MAP4K1: variants seen among roughly 807,000 people sequenced by gnomAD.
MAP4K1 encodes the protein MAPK/ERK kinase kinase kinase 1.
A neutral mutation model predicts 122.8 loss-of-function variants in MAP4K1; 35 were observed. The observed-to-expected ratio is 0.29, with a 90% CI of 0.22 to 0.38. MAP4K1 has a LOEUF of 0.38. MAP4K1 is among the 10% of genes least tolerant of loss of function. The pLI is 1.00. For synonymous variants in MAP4K1, 412 were observed against 421.3 expected, an observed-to-expected ratio of 0.98 and a Z score of 0.27; for missense variants, 791 against 1,072.6, an observed-to-expected ratio of 0.74 and a Z score of 3.67.
At position 38,607,886 on chromosome 19, in the gene MAP4K1, C is replaced by T. The variant is rs1159211537; in HGVS notation, c.1135G>A (p.Asp379Asn). 4.3e-6 allele frequency: 7 copies of T among 1,611,978 alleles called. No individual in the cohort carries two copies. The highest frequency in any genetic ancestry group is 1.1e-5 in the South Asian group (1 of 90,652). Residue 379 changes from aspartate (D) to asparagine (N), a missense_variant, in exon 16 of 31, where the codon GAT (aspartate) becomes AAT (asparagine). Transcript: ENST00000396857. The part of the protein sequence containing the change: ...PRKQLSESSD[D>N]DYDDVDIPTP... ...TACATGTCCACGTCGTCATAGTCATCGTCAGACGACTCTGACAGTTGCTTC... is the reference window on the plus strand; with the variant it reads ...TACATGTCCACGTCGTCATAGTCATTGTCAGACGACTCTGACAGTTGCTTC...
intron 30 of MAP4K1, 113 bp from the exon 31 acceptor site, chr19:38,587,930 T>A (rs533566568): frequency 1.0e-5 from 8 of 801,448 alleles, no homozygotes; most frequent in Non-Finnish European, 1.3e-5. Flanking sequence ...ACTATAGCAG[T>A]GAATGGGCAG....
intron 17 of MAP4K1, 115 bp downstream of exon 17, chr19:38,606,057 TG>T: frequency 1.2e-6 from 1 of 801,308 alleles, no homozygotes; most frequent in Non-Finnish European, 2.0e-6. Flanking sequence ...GCCATCATCC[TG>T]GTCTCCCCAA....
At position 38,593,301 on chromosome 19, in the gene MAP4K1, G is replaced by A. The variant is rs1257580701; in HGVS notation, c.2377C>T (p.Arg793Cys). 14 of 1,612,296 alleles carry A rather than the reference G, an allele frequency of 8.7e-6. No individual in the cohort carries two copies. The highest frequency in any genetic ancestry group is 1.3e-5 in the African/African-American group (1 of 74,948). Reference protein sequence around the residue: ...QELRDPTLTFRLLGSPRPVVV... With the variant: ...QELRDPTLTFCLLGSPRPVVV... ...ACATACCTGGGGGAGCCAAGCAGAC[G>A]GAAAGTGAGGGTAGGGTCTCTCAGC... Residue 793 changes from arginine to cysteine, a missense_variant, in exon 30 of 31, where the codon CGT (arginine) becomes TGT (cysteine). Around this residue, in one of 4 missense-constraint regions of MAP4K1, gnomAD observed 267 missense variants for 323.0 expected, o/e 0.83. Coordinates refer to ENST00000396857, the MANE Select transcript of MAP4K1 (RefSeq NM_001042600.3).
Position 38,600,094 on chromosome 19 carries a change from C to T in MAP4K1, c.1591G>A (p.Glu531Lys). The T allele has an allele frequency of 6.2e-7, 1 of 1,614,172 alleles. No individual in the cohort carries two copies. Among genetic ancestry groups the T allele is most frequent in the Non-Finnish European group, 8.5e-7 (1 of 1,180,038 alleles). ...TTCCTCACCATTTCCAGCGTGGCCT[C>T]CTGGTCATTCCGGTTCAGGATGAAG... ...GIFILNRNDQ[E>K]ATLEMLFPSR... is the part of the protein sequence containing the mutation. Residue 531 changes from glutamate to lysine, a missense_variant, in exon 21 of 31, where the codon GAG (glutamate) becomes AAG (lysine). Transcript: ENST00000396857.
rs2144704058 is a variant in MAP4K1 at position 38,597,227 on chromosome 19, T to C, written c.1838-90A>G. The C allele has an allele frequency of 6.3e-7, 1 of 1,598,260 alleles. No individual in the cohort carries two copies. Among genetic ancestry groups the C allele is most frequent in the Non-Finnish European group, 8.6e-7 (1 of 1,166,328 alleles). On this transcript the variant is annotated intron_variant, in intron 24 of 30. Transcript: ENST00000396857. The surrounding 1 kb of genome is among the most constrained non-coding windows in gnomAD (Gnocchi z 4.6). ...ACCCATCTTCTGGGTTCTGGACACATTGCCTTAACTCTGTAACCTTCTCAG... is the reference window on the plus strand; with the variant it reads ...ACCCATCTTCTGGGTTCTGGACACACTGCCTTAACTCTGTAACCTTCTCAG...
intron 29 of MAP4K1, among the ~76,000 whole-genome samples, chr19:38,595,077 G>A (rs1974831823): frequency 6.6e-6 from 1 of 151,968 alleles, no homozygotes; most frequent in South Asian, 2.1e-4. Context: ...CCCAGGTCAA[G>A]AGTTCAAGAC....
chr19:38,593,830 A>G (rs1974795890), intron 29 of MAP4K1, among the ~76,000 whole-genome samples: 1 of 152,110 alleles, frequency 6.6e-6, no homozygotes, highest in Non-Finnish European at 1.5e-5. Context: ...GCAATGAGCC[A>G]AGATTGTGCC....
intron 8 of MAP4K1, 47 bp downstream of exon 8, chr19:38,613,833 C>T: frequency 6.7e-7 from 1 of 1,494,618 alleles, no homozygotes. Context: ...GTAGGAAAAA[C>T]CACTGACCCC....
intron 20 of MAP4K1, among the ~76,000 whole-genome samples, chr19:38,600,504 A>G (rs1975028201): frequency 6.6e-6 from 1 of 151,884 alleles, no homozygotes; most frequent in Non-Finnish European, 1.5e-5. Flanking sequence ...CAATCCTAAC[A>G]TTGACCTTCA....
At chr19:38,606,735 G>A (rs975421897) in intron 16 of MAP4K1, among the ~76,000 whole-genome samples, 4 of 152,168 alleles carry the variant, frequency 2.6e-5, no homozygotes, top group African/African-American at 9.7e-5. Context: ...ACTAATAACA[G>A]TAACAGCAAC....
At chr19:38,591,869 G>A (rs185435716) in intron 30 of MAP4K1, among the ~76,000 whole-genome samples, 81 of 152,074 alleles carry the variant, frequency 5.3e-4, no homozygotes, top group Admixed American at 5.1e-3. Context: ...TACTCGGGAG[G>A]CTGAGGCAGG....
At chr19:38,616,149 G>C (rs781149704) in intron 4 of MAP4K1, 46 bp downstream of exon 4, 1 of 1,487,290 alleles carries the variant, frequency 6.7e-7, no homozygotes, top group East Asian at 2.3e-5. Flanking sequence ...GGGTTGGGGG[G>C]TGGGGATAGG....
At position 38,587,750 on chromosome 19, in the gene MAP4K1, A is replaced by AT; in HGVS notation, c.2463dup (p.Ter822MetfsTer4). 6.2e-7 allele frequency: 1 copy of AT among 1,613,764 alleles called. No homozygotes were observed. The highest frequency in any genetic ancestry group is 1.3e-5 in the African/African-American group (1 of 75,048). ...GTTCCTGACACCCCCCTAGGGACTC[A>AT]TTCCTGGATGTAGAGGTTGCTGGGA... On this transcript the variant is annotated frameshift_variant, in exon 31 of 31. Coordinates refer to ENST00000396857, the MANE Select transcript of MAP4K1 (RefSeq NM_001042600.3). LOFTEE classifies it high-confidence loss of function.
chr19:38,614,674 A>C (rs1975596209), intron 4 of MAP4K1: 2 of 568,684 alleles, frequency 3.5e-6, no homozygotes, highest in African/African-American at 3.8e-5. Flanking sequence ...TAATCCCAGC[A>C]CTTTGGGAGG....
At chr19:38,590,120 C>T (rs1974659293) in intron 30 of MAP4K1, among the ~76,000 whole-genome samples, 1 of 151,666 alleles carries the variant, frequency 6.6e-6, no homozygotes, top group Admixed American at 6.6e-5. Context: ...GTTAATATCA[C>T]CAGTAATGGG....
chr19:38,596,509 CG>C, intron 25 of MAP4K1, 23 bp from the exon 26 acceptor site: 10 of 1,513,700 alleles, frequency 6.6e-6, no homozygotes, highest in Non-Finnish European at 8.0e-6. Context: ...CAGGGAGGGG[CG>C]GGCTAGGGGG....
chr19:38,607,023 C>T (rs541055391), intron 16 of MAP4K1, among the ~76,000 whole-genome samples: 11 of 151,888 alleles, frequency 7.2e-5, no homozygotes, highest in African/African-American at 1.9e-4. Flanking sequence ...AGCCTGAGGG[C>T]GGGCAAAAAG....
rs1270787202 is a variant in MAP4K1, at chr19:38,617,834, T to C, written c.62A>G (p.Gln21Arg). Reference protein sequence around the residue: ...RDPRDHYDLLQRLGGGTYGEV... With the variant: ...RDPRDHYDLLRRLGGGTYGEV... ...CCCATACGTGCCGCCACCCAGCCGCTGTAGCAGGTCATAGTGGTCCCGGGG... is the reference window on the plus strand; with the variant it reads ...CCCATACGTGCCGCCACCCAGCCGCCGTAGCAGGTCATAGTGGTCCCGGGG... Residue 21 changes from glutamine to arginine, a missense_variant, in exon 1 of 31, where the codon CAG (glutamine) becomes CGG (arginine). By Grantham distance (43) the Gln-to-Arg change is conservative (BLOSUM62 1). Around this residue, in one of 4 missense-constraint regions of MAP4K1, gnomAD observed 163 missense variants for 286.1 expected, o/e 0.57. Coordinates refer to ENST00000396857, the MANE Select transcript of MAP4K1 (RefSeq NM_001042600.3). This position sits in a 1 kb window ranked among gnomAD's most constrained non-coding sequence, Gnocchi z 4.1. 5 of 1,614,120 alleles carry C rather than the reference T, an allele frequency of 3.1e-6. No homozygotes were observed. Among genetic ancestry groups the C allele is most frequent in the South Asian group, 1.1e-5 (1 of 91,078 alleles).
Position 38,611,076 on chromosome 19 carries a change from C to T in MAP4K1, c.785G>A (p.Arg262Gln). The part of the protein sequence containing the change: ...KVTLTKSPKK[R>Q]PSATKMLSHQ... ...ACTGAGCATCTTGGTGGCGCTGGGT[C>T]GTTTCTTGGGACTCTTAGTCAGAGT... Residue 262 changes from arginine (R) to glutamine (Q), a missense_variant, in exon 11 of 31, where the codon CGA becomes CAA. Coordinates refer to ENST00000396857, the MANE Select transcript of MAP4K1 (RefSeq NM_001042600.3). 6.2e-7 allele frequency: 1 copy of T among 1,612,456 alleles called. No homozygotes were observed. The highest frequency in any genetic ancestry group is 8.5e-7 in the Non-Finnish European group (1 of 1,179,452).
Sources: gnomAD v4.1 joint callset for allele counts (sites outside exome capture counted in the v4.1 genomes callset) on GRCh38, gnomAD v4.1.1 for gene constraint, gnomAD v4.1.1 regional missense constraint, Gnocchi (gnomAD v3.1) non-coding constraint, MANE v1.5 for transcripts, NCBI Gene and HGNC (gene_info 2026-07-23, HGNC 2026-07-21) for gene names.